ROR1: variants seen among roughly 807,000 people sequenced by gnomAD.
ROR1 encodes inactive tyrosine-protein kinase transmembrane receptor ROR1.
Under a neutral mutation model 78.8 loss-of-function variants are expected in ROR1, and 19 were observed. The observed-to-expected ratio is 0.24, with a 90% CI of 0.17 to 0.35. ROR1 has a LOEUF of 0.35. ROR1 is among the 10% of genes least tolerant of loss of function. The probability of loss-of-function intolerance (pLI) is 1.00; values close to 1 mark genes in which losing one functional copy is unlikely to be tolerated. For missense variants in ROR1, 917 were observed against 1,177.8 expected (o/e 0.78, Z 3.24); for synonymous variants, 386 against 433.6 (o/e 0.89, Z 1.36).
intron 4 of ROR1, among the ~76,000 whole-genome samples, chr1:64,086,303 G>A (rs763505826): frequency 6.6e-6 from 1 of 152,188 alleles, no homozygotes; most frequent in Non-Finnish European, 1.5e-5. Context: ...ATGAAGCAGA[G>A]GTTCAAACCC....
intron 1 of ROR1, among the ~76,000 whole-genome samples, chr1:63,941,118 G>T (rs1466990834): frequency 6.6e-6 from 1 of 152,146 alleles, no homozygotes; most frequent in African/African-American, 2.4e-5. Context: ...AAATGCAATG[G>T]GTAACCCTGG....
intron 7 of ROR1, among the ~76,000 whole-genome samples, chr1:64,153,225 C>T (rs1649677065): frequency 6.6e-6 from 1 of 151,994 alleles, no homozygotes; most frequent in South Asian, 2.1e-4. Flanking sequence ...CAGTGAGATA[C>T]CATTTCACAC....
chr1:64,006,716 G>C lies in ROR1; in HGVS notation c.92-2589G>C, dbSNP rs1292018642. Among the ~76,000 whole-genome samples, 4 of 152,154 alleles carry C rather than the reference G, an allele frequency of 2.6e-5. No homozygotes were observed. In the East Asian group the frequency reaches 7.7e-4, roughly 29 times the overall value. ...ATGCTATTTTTGGCTCAGGACGTTG[G>C]AGGAAACCAGGGCCACTGTAGGTGG... On this transcript the variant is annotated intron_variant, in intron 1 of 8. Coordinates refer to ENST00000371079, the MANE Select transcript of ROR1 (RefSeq NM_005012.4).
intron 1 of ROR1, among the ~76,000 whole-genome samples, chr1:63,931,934 A>C (rs946198147): frequency 6.6e-6 from 1 of 152,196 alleles, no homozygotes; most frequent in Non-Finnish European, 1.5e-5. Flanking sequence ...AATTGTATAT[A>C]TAGGGTTCTG....
chr1:63,880,296 TTACTC>T (rs1197938821), intron 1 of ROR1, among the ~76,000 whole-genome samples: 1 of 152,190 alleles, frequency 6.6e-6, no homozygotes, highest in African/African-American at 2.4e-5. Context: ...TTGGAGCCCT[TTACTC>T]AGAGCAAAAT....
intron 4 of ROR1, among the ~76,000 whole-genome samples, chr1:64,087,001 G>A (rs2100639161): frequency 6.6e-6 from 1 of 152,266 alleles, no homozygotes; most frequent in East Asian, 1.9e-4. Context: ...CCCAATTTCT[G>A]TATACCATGT....
chr1:63,845,533 G>A (rs1645075496), intron 1 of ROR1, among the ~76,000 whole-genome samples: 1 of 152,050 alleles, frequency 6.6e-6, no homozygotes, highest in Non-Finnish European at 1.5e-5. Flanking sequence ...TCACTCATCT[G>A]GCAATCTGCT....
At chr1:63,786,843 C>T (rs1025880069) in intron 1 of ROR1, among the ~76,000 whole-genome samples, 2 of 152,004 alleles carry the variant, frequency 1.3e-5, no homozygotes, top group South Asian at 2.1e-4. Context: ...TCCACCTGCC[C>T]GAGGGAGACG....
intron 2 of ROR1, among the ~76,000 whole-genome samples, chr1:64,029,859 A>G (rs1215125531): frequency 2.6e-5 from 4 of 152,088 alleles, no homozygotes; most frequent in African/African-American, 7.2e-5. Flanking sequence ...AAAACATCAC[A>G]TGTATTTTCA....
At chr1:64,127,915 A>G (rs1456367983) in intron 4 of ROR1, among the ~76,000 whole-genome samples, 2 of 152,148 alleles carry the variant, frequency 1.3e-5, no homozygotes, top group Admixed American at 1.3e-4. Context: ...CATCAGCCTC[A>G]GCAATCACAC....
chr1:64,178,416 C>T lies in ROR1; in HGVS notation c.2375C>T (p.Pro792Leu), dbSNP rs372821612. The change falls in exon 9 of 9, where the codon CCG becomes CTG. Residue 792 changes from proline to leucine, a missense_variant. Transcript: ENST00000371079. The surrounding 1 kb of genome is among the most constrained non-coding windows in gnomAD (Gnocchi z 4.3). ...SNPRYPNYMF[P>L]SQGITPQGQI... Reference sequence around the variant, plus strand: ...CCCAGATATCCTAATTACATGTTCCCGAGCCAGGGTATTACACCACAGGGC... The same window carrying T: ...CCCAGATATCCTAATTACATGTTCCTGAGCCAGGGTATTACACCACAGGGC... 2.2e-5 allele frequency: 36 copies of T among 1,614,034 alleles called. No individual in the cohort carries two copies. The highest frequency in any genetic ancestry group is 2.8e-5 in the Non-Finnish European group (33 of 1,180,040).
intron 1 of ROR1, among the ~76,000 whole-genome samples, chr1:63,844,144 G>T (rs1157215811): frequency 6.6e-6 from 1 of 152,134 alleles, no homozygotes; most frequent in African/African-American, 2.4e-5. Flanking sequence ...CTACCTCATG[G>T]GTTGGTGAGG....
At chr1:64,131,188 G>A (rs189762568) in intron 4 of ROR1, among the ~76,000 whole-genome samples, 1 of 152,248 alleles carries the variant, frequency 6.6e-6, no homozygotes, top group East Asian at 1.9e-4. Flanking sequence ...GGTTTTAGGG[G>A]CAGCCATCTT....
At chr1:64,051,433 G>C (rs1057367891) in intron 4 of ROR1, among the ~76,000 whole-genome samples, 3 of 145,460 alleles carry the variant, frequency 2.1e-5, no homozygotes, top group Non-Finnish European at 4.5e-5. Flanking sequence ...CTGGGCAGCA[G>C]AGTGAGACTC....
At chr1:63,926,397 A>G (rs1042495278) in intron 1 of ROR1, among the ~76,000 whole-genome samples, 29 of 152,222 alleles carry the variant, frequency 1.9e-4, no homozygotes, top group African/African-American at 6.7e-4. Context: ...TACCAGTACC[A>G]TGCTGTTACT....
intron 1 of ROR1, among the ~76,000 whole-genome samples, chr1:63,857,824 A>G (rs1645158209): frequency 1.3e-5 from 2 of 152,336 alleles, no homozygotes; most frequent in African/African-American, 4.8e-5. Flanking sequence ...TGGTTACCAA[A>G]GGTGACTCTG....
At chr1:64,092,938 A>G (rs546186462) in intron 4 of ROR1, among the ~76,000 whole-genome samples, 33 of 152,268 alleles carry the variant, frequency 2.2e-4, no homozygotes, top group Middle Eastern at 6.8e-3. Context: ...CTCATCCATC[A>G]TCGGTGGGGC....
intron 1 of ROR1, among the ~76,000 whole-genome samples, chr1:63,888,087 T>A (rs855846): frequency 0.83 from 126,510 of 152,214 alleles, 54,291 homozygotes; most frequent in East Asian, 1. Flanking sequence ...GACGGACTCT[T>A]GTGAACTGAA....
intron 1 of ROR1, among the ~76,000 whole-genome samples, chr1:64,003,187 CCTTTTTTTTCTTTTT>C (rs1646399871): frequency 1.3e-5 from 2 of 152,088 alleles, no homozygotes; most frequent in African/African-American, 2.4e-5. Flanking sequence ...CCTTTTCCTT[CCTTTTTTTTCTTTTT>C]CTTTTTTTTC....
Sources: gnomAD v4.1 joint callset for allele counts (sites outside exome capture counted in the v4.1 genomes callset) on GRCh38, gnomAD v4.1.1 for gene constraint, Gnocchi (gnomAD v3.1) non-coding constraint, MANE v1.5 for transcripts, NCBI Gene and HGNC (gene_info 2026-07-23, HGNC 2026-07-21) for gene names.